The following KAZN variants were observed in gnomAD, a reference collection of about 807,000 sequenced individuals.
KAZN encodes the protein kazrin, periplakin interacting protein, also known as kazrin.
In KAZN, 40 loss-of-function variants were observed where a neutral mutation model predicts 87.4. The ratio of observed to expected loss-of-function variants is 0.46; its 90% CI spans 0.36 to 0.60. The LOEUF (loss-of-function observed/expected upper bound fraction) is 0.60. Ranked by LOEUF, KAZN falls within the 20% of genes least tolerant of loss-of-function variation. KAZN has a pLI of 0.00. For missense variants in KAZN, 898 were observed against 1,073.9 expected, an observed-to-expected ratio of 0.84 and a Z score of 2.29; for synonymous variants, 466 against 458.3, an observed-to-expected ratio of 1.02 and a Z score of -0.22.
intron 1 of KAZN, among the ~76,000 whole-genome samples, chr1:14,912,908 A>T (rs1657397691): frequency 6.6e-6 from 1 of 152,098 alleles, no homozygotes; most frequent in Non-Finnish European, 1.5e-5. Context: ...ATAAGAACAA[A>T]GCCCTTCTCT....
intron 2 of KAZN, among the ~76,000 whole-genome samples, chr1:14,576,218 C>T (rs1675168802): frequency 6.6e-6 from 1 of 151,966 alleles, no homozygotes; most frequent in South Asian, 2.1e-4. Flanking sequence ...ATAGTAAGGA[C>T]TAAAAGAGGT....
intron 1 of KAZN, among the ~76,000 whole-genome samples, chr1:14,911,874 C>T (rs1657283610): frequency 6.6e-6 from 1 of 152,158 alleles, no homozygotes; most frequent in Admixed American, 6.5e-5. Context: ...AAGCCTCGGC[C>T]AGGCACGGTG....
chr1:14,133,498 T>C (rs1645043669), intron 1 of KAZN, among the ~76,000 whole-genome samples: 1 of 151,954 alleles, frequency 6.6e-6, no homozygotes, highest in South Asian at 2.1e-4. Context: ...TCCTCTATTA[T>C]CTAGTAATGG....
At chr1:13,941,097 G>C (rs111909520) in intron 1 of KAZN, among the ~76,000 whole-genome samples, 3 of 152,210 alleles carry the variant, frequency 2.0e-5, no homozygotes, top group East Asian at 1.9e-4. Context: ...GGGAGGCTGA[G>C]GGGGAGAGAA....
rs79142062 is a variant in KAZN, at chr1:14,674,390, C to T, written c.226+75167C>T. Among the ~76,000 whole-genome samples the T allele has an allele frequency of 4.4e-3, 674 of 152,302 alleles. 8 individuals are homozygous for T. Among genetic ancestry groups the T allele is most frequent in the African/African-American group, 0.015 (641 of 41,570 alleles). ...GAGGATTTGATCAGTTTAGTGGACT[C>T]GTTGCTGAAAGCAAAGGTCACCCTG... On this transcript the variant is annotated intron_variant, in intron 1 of 14. Transcript: ENST00000376030.
At chr1:14,025,754 A>G (rs947424692) in intron 1 of KAZN, among the ~76,000 whole-genome samples, 12 of 152,196 alleles carry the variant, frequency 7.9e-5, no homozygotes, top group African/African-American at 2.4e-4. Context: ...ATTGTATTAA[A>G]TTTAAATAGC....
At chr1:14,405,330 T>A (rs765531763) in intron 2 of KAZN, among the ~76,000 whole-genome samples, 21 of 152,216 alleles carry the variant, frequency 1.4e-4, no homozygotes, top group African/African-American at 2.7e-4. Context: ...AGGAAATGTA[T>A]GATTTACAAA....
chr1:14,026,804 A>G (rs1641098257), intron 1 of KAZN, among the ~76,000 whole-genome samples: 1 of 152,162 alleles, frequency 6.6e-6, no homozygotes, highest in Non-Finnish European at 1.5e-5. Context: ...ACAGTCCAGG[A>G]GGGAAGCAGA....
intron 2 of KAZN, among the ~76,000 whole-genome samples, chr1:14,256,233 G>A (rs569844670): frequency 6.6e-6 from 1 of 152,234 alleles, no homozygotes; most frequent in Non-Finnish European, 1.5e-5. Flanking sequence ...CTTGCAAATG[G>A]TATTGCAACT....
At chr1:13,947,740 G>A (rs530087030) in intron 1 of KAZN, among the ~76,000 whole-genome samples, 13 of 152,252 alleles carry the variant, frequency 8.5e-5, no homozygotes, top group East Asian at 5.8e-4. Context: ...TTCTGAGTCC[G>A]TTCTCCTTGG....
In KAZN at chr1:14,117,126, G is replaced by A. The variant is rs147310806; in HGVS notation, c.92-63309G>A. ...GATTTTTAGTTAATGCTTGAAATGAGTTAAGACATTGGGGAACTGTTGGGA... is the reference window on the plus strand; with the variant it reads ...GATTTTTAGTTAATGCTTGAAATGAATTAAGACATTGGGGAACTGTTGGGA... On this transcript the variant is annotated intron_variant, in intron 1 of 16. Coordinates refer to the KAZN transcript ENST00000636203. Among the ~76,000 whole-genome samples, 549 of 152,276 alleles carry A rather than the reference G, an allele frequency of 3.6e-3. 4 individuals carry two copies. The highest frequency in any genetic ancestry group is 0.013 in the African/African-American group (523 of 41,564).
intron 2 of KAZN, among the ~76,000 whole-genome samples, chr1:14,384,672 G>C (rs1661701841): frequency 1.3e-5 from 2 of 152,050 alleles, no homozygotes; most frequent in African/African-American, 4.8e-5. Context: ...AAGCCCACTT[G>C]ATCATGGTGG....
chr1:14,445,318 A>G (rs1443385767), intron 2 of KAZN, among the ~76,000 whole-genome samples: 2 of 152,104 alleles, frequency 1.3e-5, no homozygotes, highest in African/African-American at 4.8e-5. Flanking sequence ...GAGCCACTGC[A>G]CCCGGCCAAC....
intron 2 of KAZN, among the ~76,000 whole-genome samples, chr1:14,550,456 A>G (rs1673430072): frequency 2.0e-5 from 3 of 152,254 alleles, no homozygotes; most frequent in South Asian, 2.1e-4. Flanking sequence ...GCAGGCTGGA[A>G]AAATATTGGC....
At chr1:14,480,959 CTT>C (rs1248531949) in intron 2 of KAZN, among the ~76,000 whole-genome samples, 2 of 148,790 alleles carry the variant, frequency 1.3e-5, no homozygotes, top group Admixed American at 1.4e-4. Context: ...TTATTTATTA[CTT>C]ATATATATTT....
At chr1:14,572,748 CA>C (rs1674948713) in intron 2 of KAZN, among the ~76,000 whole-genome samples, 1 of 152,166 alleles carries the variant, frequency 6.6e-6, no homozygotes, top group African/African-American at 2.4e-5. Context: ...AGCGGCCCCC[CA>C]CTCCCCTGGA....
chr1:14,756,279 A>G (rs989899517), intron 1 of KAZN, among the ~76,000 whole-genome samples: 1 of 152,124 alleles, frequency 6.6e-6, no homozygotes, highest in Admixed American at 6.5e-5. Context: ...TTCATCCTCC[A>G]TCTTTGACTT....
intron 1 of KAZN, among the ~76,000 whole-genome samples, chr1:14,638,566 C>T (rs368246165): frequency 3.7e-3 from 369 of 100,900 alleles, no homozygotes; most frequent in African/African-American, 0.017. Flanking sequence ...AAGACTCCGT[C>T]TCAAAAAAAA....
chr1:15,098,639 C>T (rs570405425), intron 10 of KAZN, among the ~76,000 whole-genome samples: 45 of 152,342 alleles, frequency 3.0e-4, no homozygotes, highest in African/African-American at 7.5e-4. Context: ...AGCTCCTGCC[C>T]GAGAGAACCG....
Sources: gnomAD v4.1 joint callset for allele counts (sites outside exome capture counted in the v4.1 genomes callset) on GRCh38, gnomAD v4.1.1 for gene constraint, MANE v1.5 for transcripts, NCBI Gene and HGNC (gene_info 2026-07-23, HGNC 2026-07-21) for gene names.